Variants in MT1G observed in about 807,000 individuals in gnomAD.
MT1G encodes metallothionein-1G.
Under a neutral mutation model 9.1 loss-of-function variants are expected in MT1G, and 8 were observed. The ratio of observed to expected loss-of-function variants is 0.87; its 90% CI spans 0.51 to 1.58. The LOEUF is 1.58. Ranked by LOEUF, MT1G falls within the 40% of genes most tolerant of loss-of-function variation. The pLI, the probability that MT1G is intolerant of heterozygous loss-of-function variation, is 0.00. For missense variants in MT1G, 79 were observed against 77.3 expected (o/e 1.02, Z -0.08); for synonymous variants, 31 against 28.4 (o/e 1.09, Z -0.29).
chr16:56,667,080 A>G (rs1279872540), intron 2 of MT1G, 110 bp from the exon 3 acceptor site: 2 of 1,584,908 alleles, frequency 1.3e-6, no homozygotes, highest in Admixed American at 3.5e-5. Flanking sequence ...TTAGTTCATG[A>G]TGGCATGGTT....
intron 2 of MT1G, 74 bp from the exon 3 acceptor site, chr16:56,667,044 TC>T: frequency 6.2e-7 from 1 of 1,603,052 alleles, no homozygotes. Flanking sequence ...GAGGCCTGTC[TC>T]CATCCCTCCA....
intron 1 of MT1G, 149 bp from the exon 2 acceptor site, chr16:56,667,529 C>G: frequency 8.5e-7 from 1 of 1,181,224 alleles, no homozygotes. Flanking sequence ...CCCATGTCCT[C>G]TCCATTCATG....
At position 56,668,044 on chromosome 16, in the gene MT1G, G is replaced by A. The variant is rs772360912; in HGVS notation, c.-51C>T. On this transcript the variant is annotated 5_prime_UTR_variant, in exon 1 of 3. Transcript: ENST00000379811. Reference sequence around the variant, plus strand: ...CCCAAGCGAGAAGGGAAGAGGCAGTGGGTGCACGTGGAAGGCGGAGTGGAG... The same window carrying A: ...CCCAAGCGAGAAGGGAAGAGGCAGTAGGTGCACGTGGAAGGCGGAGTGGAG... The A allele has an allele frequency of 6.3e-7, 1 of 1,599,646 alleles. No homozygotes were observed. Among genetic ancestry groups the A allele is most frequent in the Admixed American group, 1.7e-5 (1 of 59,914 alleles).
In MT1G at chr16:56,666,904, G is replaced by A. The variant is rs546669333; in HGVS notation, c.164C>T (p.Ser55Leu). 41 of 1,614,236 alleles carry A rather than the reference G, an allele frequency of 2.5e-5. No homozygotes were observed. The highest frequency in any genetic ancestry group is 1.7e-4 in the Middle Eastern group (1 of 6,060). Reference sequence around the variant, plus strand: ...TCAGGCGCAGCAGCTGCACTTCTCCGATGCCCCTTTGCAGATGCAGCCCTG... The same window carrying A: ...TCAGGCGCAGCAGCTGCACTTCTCCAATGCCCCTTTGCAGATGCAGCCCTG... The part of the protein sequence containing the change: ...CAQGCICKGA[S>L]EKCSCCA Residue 55 changes from serine (S) to leucine (L), a missense_variant, in exon 3 of 3, where the codon TCG (serine) becomes TTG (leucine). Transcript: ENST00000379811.
intron 1 of MT1G, 40 bp downstream of exon 1, chr16:56,667,926 A>T: frequency 1.9e-6 from 3 of 1,612,654 alleles, no homozygotes; most frequent in Non-Finnish European, 2.5e-6. Flanking sequence ...GGTGTCTGGG[A>T]ATTTGGCATC....
chr16:56,667,297 T>C lies in MT1G; in HGVS notation c.97+15A>G, dbSNP rs1179821538. 9.9e-6 allele frequency: 16 copies of C among 1,614,240 alleles called. No individual in the cohort carries two copies. The highest frequency in any genetic ancestry group is 1.3e-5 in the Non-Finnish European group (15 of 1,180,036). On this transcript the variant is annotated intron_variant, in intron 2 of 2. Coordinates refer to ENST00000379811, the MANE Select transcript of MT1G (RefSeq NM_001301267.2). ...AGCCACAGCCCCAGATTCCTGGAGATGGCCCCGCACTCACTCTTCTTGCAG... is the reference window on the plus strand; with the variant it reads ...AGCCACAGCCCCAGATTCCTGGAGACGGCCCCGCACTCACTCTTCTTGCAG...
intron 1 of MT1G, 129 bp downstream of exon 1, chr16:56,667,837 A>G: frequency 8.9e-7 from 1 of 1,119,196 alleles, no homozygotes; most frequent in South Asian, 1.3e-5. Context: ...GCCAACAGGA[A>G]AGCACTGGAC....
At chr16:56,667,826 G>A (rs1960807460) in intron 1 of MT1G, 140 bp downstream of exon 1, 1 of 1,013,790 alleles carries the variant, frequency 9.9e-7, no homozygotes, top group Non-Finnish European at 1.5e-6. Context: ...TCAGGAGCTT[G>A]GCCAACAGGA....
Position 56,667,321 on chromosome 16 carries a change from A to G in MT1G, c.88T>C (p.Cys30Arg). The G allele has an allele frequency of 1.2e-6, 2 of 1,614,268 alleles. No individual in the cohort carries two copies. Among genetic ancestry groups the G allele is most frequent in the Non-Finnish European group, 1.7e-6 (2 of 1,180,040 alleles). ...ATGGCCCCGCACTCACTCTTCTTGC[A>G]GGAGGTGCATTTGCACTCTTTGCAC... is the stretch of plus-strand genomic sequence containing the variant. ...CKCKECKCTS[C>R]KKSCCSCCPV... Residue 30 changes from cysteine (C) to arginine (R), a missense_variant, in exon 2 of 3, where the codon TGC (cysteine) becomes CGC (arginine). By Grantham distance (180) the Cys-to-Arg change is radical. Transcript: ENST00000379811.
intron 2 of MT1G, 58 bp downstream of exon 2, chr16:56,667,254 G>A: frequency 3.7e-6 from 6 of 1,614,008 alleles, no homozygotes; most frequent in Non-Finnish European, 3.4e-6. Context: ...GGACAGCCTT[G>A]GGTTCCCTCC....
In MT1G at chr16:56,668,014, G is replaced by A. The variant is rs1200639568; in HGVS notation, c.-21C>T. The A allele has an allele frequency of 6.2e-7, 1 of 1,613,656 alleles. No homozygotes were observed. The highest frequency in any genetic ancestry group is 1.7e-5 in the Admixed American group (1 of 60,016). ...TCCATTGCAACCCGAGGCGAGACTAGAGTTCCCAAGCGAGAAGGGAAGAGG... is the reference window on the plus strand; with the variant it reads ...TCCATTGCAACCCGAGGCGAGACTAAAGTTCCCAAGCGAGAAGGGAAGAGG... On this transcript the variant is annotated 5_prime_UTR_variant, in exon 1 of 3. Coordinates refer to ENST00000379811, the MANE Select transcript of MT1G (RefSeq NM_001301267.2).
chr16:56,667,877 G>A, intron 1 of MT1G, 89 bp downstream of exon 1: 1 of 1,501,966 alleles, frequency 6.7e-7, no homozygotes, highest in Non-Finnish European at 9.3e-7. Flanking sequence ...ACCTCTGATA[G>A]CAAAATACGA....
rs757324259 is a variant in MT1G, at chr16:56,666,892, C to A, written c.176G>T (p.Ser59Ile). The A allele has an allele frequency of 6.2e-6, 10 of 1,614,148 alleles. 1 individual carries two copies. The South Asian group carries it at 9.9e-5, about 16-fold the overall frequency. ...CICKGASEKC[S>I]CCA ...GCTGTCCCGACATCAGGCGCAGCAG[C>A]TGCACTTCTCCGATGCCCCTTTGCA... is the stretch of plus-strand genomic sequence containing the variant. Residue 59 changes from serine to isoleucine, a missense_variant, in exon 3 of 3, where the codon AGC becomes ATC. By Grantham distance (142) the Ser-to-Ile change is moderately radical. Transcript: ENST00000379811.
rs762037359 is a variant in MT1G at position 56,666,946 on chromosome 16, C to G, written c.122G>C (p.Gly41Ala). The change falls in exon 3 of 3, where the codon GGC becomes GCC. Residue 41 changes from glycine (G) to alanine (A), a missense_variant. Transcript: ENST00000379811. ...GCAGCCCTGGGCACACTTGGCACAG[C>G]CCACAGGGCAGCAGGAGCAGCAGCC... The part of the protein sequence containing the change: ...KKSCCSCCPV[G>A]CAKCAQGCIC... The G allele has an allele frequency of 2.5e-5, 40 of 1,614,148 alleles. No individual in the cohort carries two copies. In the East Asian group the frequency reaches 8.5e-4, roughly 34 times the overall value.
rs1414700496 is a variant in MT1G at position 56,668,060 on chromosome 16, C to G, written c.-67G>C. ...AGAGGCAGTGGGTGCACGTGGAAGG[C>G]GGAGTGGAGCCCAACAGCCAGCGGC... On this transcript the variant is annotated 5_prime_UTR_variant, in exon 1 of 3. Transcript: ENST00000379811. The G allele has an allele frequency of 1.9e-6, 3 of 1,555,104 alleles. No individual in the cohort carries two copies. The highest frequency in any genetic ancestry group is 2.7e-6 in the Non-Finnish European group (3 of 1,127,608).
At chr16:56,667,238 ACT>A in intron 2 of MT1G, 72 bp downstream of exon 2, 1 of 1,612,994 alleles carries the variant, frequency 6.2e-7, no homozygotes, top group Non-Finnish European at 8.5e-7. Flanking sequence ...AGAAGCACGC[ACT>A]CAGGGACAGC....
chr16:56,667,422 A>C, intron 1 of MT1G, 42 bp from the exon 2 acceptor site: 2 of 1,613,570 alleles, frequency 1.2e-6, no homozygotes, highest in Non-Finnish European at 8.5e-7. Flanking sequence ...GAGATGCAGA[A>C]GGTACAGCAG....
intron 2 of MT1G, 116 bp from the exon 3 acceptor site, chr16:56,667,086 T>C: frequency 6.3e-7 from 1 of 1,580,986 alleles, no homozygotes; most frequent in Non-Finnish European, 8.6e-7. Flanking sequence ...CATGATGGCA[T>C]GGTTTTTGTC....
intron 1 of MT1G, 25 bp downstream of exon 1, chr16:56,667,941 G>A (rs757167469): frequency 6.2e-7 from 1 of 1,613,730 alleles, no homozygotes; most frequent in East Asian, 2.2e-5. Context: ...GGCATCCCAA[G>A]GCACAGAACC....
Sources: allele counts gnomAD v4.1 joint callset, GRCh38; gene constraint gnomAD v4.1.1; transcripts MANE v1.5; gene names NCBI Gene and HGNC (gene_info 2026-07-23, HGNC 2026-07-21).